The following CHST11 variants were observed in gnomAD, a reference collection of about 807,000 sequenced individuals.
The protein encoded by CHST11 is carbohydrate sulfotransferase 11.
In CHST11, 9 loss-of-function variants were observed where a neutral mutation model predicts 30.4. The ratio of observed to expected loss-of-function variants is 0.30; its 90% CI spans 0.18 to 0.52. CHST11 has a LOEUF of 0.52. CHST11 is among the 20% of genes least tolerant of loss of function. CHST11 has a pLI of 0.97. For synonymous variants in CHST11, 152 were observed against 187.8 expected (o/e 0.81, Z 1.56); for missense variants, 348 against 460.6 (o/e 0.76, Z 2.24).
chr12:104,725,515 A>ATT lies in CHST11; in HGVS notation c.205-31418_205-31417dup, dbSNP rs201640286. Among the ~76,000 whole-genome samples the ATT allele has an allele frequency of 6.5e-3, 936 of 143,688 alleles. 11 individuals are homozygous for ATT. The highest frequency in any genetic ancestry group is 0.022 in the African/African-American group (860 of 38,996). 94.3% of individuals were successfully genotyped at this position (143,688 alleles called of 152,430 possible). On this transcript the variant is annotated intron_variant, in intron 2 of 2. Transcript: ENST00000303694. ...ACATGATACCTCAATAAAGCTGTTA[A>ATT]TTTTTTTTTTTTTTTTTAATTCTGA...
chr12:104,706,108 GTA>G lies in CHST11; in HGVS notation c.205-50840_205-50839del, dbSNP rs1203518385. 6.6e-5 allele frequency among the ~76,000 whole-genome samples: 10 copies of G among 151,122 alleles called. No homozygotes were observed. In the East Asian group the frequency reaches 2.0e-3, roughly 30 times the overall value. On this transcript the variant is annotated intron_variant, in intron 2 of 2. Transcript: ENST00000303694. ...CTCAAAAACAGATAGATATTGGTGG[GTA>G]CAGTGGCTCACGCCTGTAATCCCAG...
intron 1 of CHST11, among the ~76,000 whole-genome samples, chr12:104,529,886 G>A (rs779813310): frequency 2.4e-4 from 36 of 152,150 alleles, no homozygotes; most frequent in Non-Finnish European, 4.1e-4. Context: ...GGCTGGGTGC[G>A]GTGGCTCATG....
chr12:104,586,626 G>C (rs989528855), intron 1 of CHST11, among the ~76,000 whole-genome samples: 4 of 152,386 alleles, frequency 2.6e-5, no homozygotes, highest in South Asian at 2.1e-4. Context: ...TGTCCAGGTT[G>C]TAAAATCAGA....
chr12:104,679,939 G>GT lies in CHST11; in HGVS notation c.205-77003dup, dbSNP rs574072358. Among the ~76,000 whole-genome samples, 57 of 152,204 alleles carry GT rather than the reference G, an allele frequency of 3.7e-4. No homozygotes were observed. In the East Asian group the frequency reaches 0.011, roughly 28 times the overall value. ...TCTGGTTTGTTTTTGTTGTTGGTTTGTTTTTTTACTGCCCCAGGAATCAGG... is the reference window on the plus strand; with the variant it reads ...TCTGGTTTGTTTTTGTTGTTGGTTTGTTTTTTTTACTGCCCCAGGAATCAGG... On this transcript the variant is annotated intron_variant, in intron 2 of 2. Transcript: ENST00000303694.
At chr12:104,512,965 T>C (rs188230777) in intron 1 of CHST11, among the ~76,000 whole-genome samples, 14 of 152,048 alleles carry the variant, frequency 9.2e-5, no homozygotes, top group East Asian at 3.9e-4. Context: ...AGCAAAAGCA[T>C]TGTGGGAATA....
intron 2 of CHST11, among the ~76,000 whole-genome samples, chr12:104,756,535 GT>G (rs1666038990): frequency 6.7e-6 from 1 of 148,464 alleles, no homozygotes; most frequent in African/African-American, 2.5e-5. Context: ...CATGTGGGGT[GT>G]GTGTGTGTGT....
intron 1 of CHST11, among the ~76,000 whole-genome samples, chr12:104,589,340 G>A (rs1332526777): frequency 6.6e-6 from 1 of 150,920 alleles, no homozygotes; most frequent in East Asian, 2.0e-4. Flanking sequence ...GGCAGAGGTT[G>A]CAGTGAGCCA....
chr12:104,478,254 G>A (rs573995456), intron 1 of CHST11, among the ~76,000 whole-genome samples: 127 of 152,240 alleles, frequency 8.3e-4, no homozygotes, highest in African/African-American at 2.8e-3. Flanking sequence ...ATCTCCAGAA[G>A]GAAGGCCTGG....
intron 1 of CHST11, among the ~76,000 whole-genome samples, chr12:104,594,106 G>A (rs554653483): frequency 5.9e-5 from 9 of 152,240 alleles, no homozygotes; most frequent in South Asian, 2.1e-4. Flanking sequence ...CAAACATACC[G>A]AGTACCTGCT....
chr12:104,700,202 G>T (rs2039979944), intron 2 of CHST11, among the ~76,000 whole-genome samples: 1 of 151,952 alleles, frequency 6.6e-6, no homozygotes, highest in South Asian at 2.1e-4. Flanking sequence ...AGTACTACAA[G>T]GATAGCAAAA....
intron 1 of CHST11, among the ~76,000 whole-genome samples, chr12:104,518,958 TTTTCTTTTTTTC>T (rs1260933638): frequency 5.8e-5 from 8 of 139,022 alleles, no homozygotes; most frequent in Non-Finnish European, 9.0e-5. Flanking sequence ...AATCTTTTCT[TTTTCTTTTTTTC>T]TTTCTTTTTT....
chr12:104,548,838 T>C (rs1256028804), intron 1 of CHST11, among the ~76,000 whole-genome samples: 1 of 152,222 alleles, frequency 6.6e-6, no homozygotes, highest in Non-Finnish European at 1.5e-5. Context: ...ACCAAGACTA[T>C]CTGAAAAGAC....
chr12:104,707,275 C>T (rs2040044420), intron 2 of CHST11, among the ~76,000 whole-genome samples: 1 of 152,202 alleles, frequency 6.6e-6, no homozygotes, highest in Non-Finnish European at 1.5e-5. Context: ...TGGGTGAAAC[C>T]CCTTCCTACA....
At chr12:104,502,420 T>C (rs1450056374) in intron 1 of CHST11, among the ~76,000 whole-genome samples, 3 of 152,128 alleles carry the variant, frequency 2.0e-5, no homozygotes, top group Admixed American at 2.0e-4. Context: ...GATGACTCAG[T>C]TAATAAAGAT....
intron 2 of CHST11, among the ~76,000 whole-genome samples, chr12:104,677,429 T>G (rs1185283408): frequency 6.6e-6 from 1 of 152,222 alleles, no homozygotes; most frequent in Non-Finnish European, 1.5e-5. Flanking sequence ...GATTAGCTTG[T>G]CAAACAGTAT....
At chr12:104,713,381 A>G (rs1449873234) in intron 2 of CHST11, among the ~76,000 whole-genome samples, 1 of 152,134 alleles carries the variant, frequency 6.6e-6, no homozygotes, top group African/African-American at 2.4e-5. Flanking sequence ...GAAATCAGCC[A>G]AGCTAAGCCA....
chr12:104,525,567 G>T (rs959691898), intron 1 of CHST11, among the ~76,000 whole-genome samples: 8 of 152,158 alleles, frequency 5.3e-5, no homozygotes, highest in African/African-American at 1.9e-4. Context: ...CTGAGCCTCA[G>T]CTTTCCTCTT....
At chr12:104,670,668 CAA>C (rs1566031473) in intron 2 of CHST11, among the ~76,000 whole-genome samples, 46 of 150,840 alleles carry the variant, frequency 3.0e-4, no homozygotes, top group African/African-American at 1.1e-3. Flanking sequence ...CACACACACA[CAA>C]ATATACTCTC....
At chr12:104,521,378 C>T (rs1323086031) in intron 1 of CHST11, among the ~76,000 whole-genome samples, 2 of 152,208 alleles carry the variant, frequency 1.3e-5, no homozygotes, top group East Asian at 1.9e-4. Flanking sequence ...TTAAATCCCC[C>T]TGCAGACTTT....
Sources: allele counts gnomAD v4.1 joint callset (sites outside exome capture counted in the v4.1 genomes callset), GRCh38; gene constraint gnomAD v4.1.1; transcripts MANE v1.5; gene names NCBI Gene and HGNC (gene_info 2026-07-23, HGNC 2026-07-21).